MLIP: variants seen among roughly 807,000 people sequenced by gnomAD.
MLIP encodes muscular LMNA-interacting protein.
In MLIP, 79 loss-of-function variants were observed where a neutral mutation model predicts 84.8. The ratio of observed to expected loss-of-function variants is 0.93; its 90% CI spans 0.78 to 1.12. The LOEUF is 1.12. MLIP is among the 50% of genes most tolerant of loss of function. The pLI is 0.00. For synonymous variants in MLIP, 504 were observed against 463.0 expected, an observed-to-expected ratio of 1.09 and a Z score of -1.14; for missense variants, 1,257 against 1,160.6, an observed-to-expected ratio of 1.08 and a Z score of -1.21.
At chr6:54,027,373 ATACACAC>A (rs1763869700) in intron 1 of MLIP, among the ~76,000 whole-genome samples, 1 of 77,072 alleles carries the variant, frequency 1.3e-5, no homozygotes, top group Non-Finnish European at 2.7e-5. Flanking sequence ...AATAAAAAAA[ATACACAC>A]ACACACACAC....
rs199767219 is a variant in MLIP, at chr6:54,019,077, G to C, written c.49G>C (p.Glu17Gln). Residue 17 changes from glutamate (E) to glutamine (Q), a missense_variant, in exon 1 of 13, where the codon GAG (glutamate) becomes CAG (glutamine). Transcript: ENST00000274897. The stretch of plus-strand genomic sequence containing the variant: ...AAGAAGCTTATTAAACAAGAATTTA[G>C]AGGAGAAACTGACGGTAAGACATGA... The C allele has an allele frequency of 1.4e-3, 2,220 of 1,611,690 alleles. 47 individuals are homozygous for C. The South Asian group carries it at 0.023, about 17-fold the overall frequency.
intron 9 of MLIP, among the ~76,000 whole-genome samples, chr6:54,189,301 T>G (rs1274399065): frequency 6.6e-5 from 10 of 152,280 alleles, no homozygotes; most frequent in African/African-American, 2.4e-4. Context: ...TGAAAGAAAC[T>G]AAATCCAGAT....
chr6:54,247,247 A>C (rs1203908665), intron 12 of MLIP, among the ~76,000 whole-genome samples: 1 of 152,188 alleles, frequency 6.6e-6, no homozygotes, highest in Non-Finnish European at 1.5e-5. Context: ...GGGATGGCTG[A>C]AACTGACTGA....
intron 1 of MLIP, among the ~76,000 whole-genome samples, chr6:54,084,461 G>T (rs1767358329): frequency 6.6e-6 from 1 of 152,082 alleles, no homozygotes; most frequent in Non-Finnish European, 1.5e-5. Flanking sequence ...TGCAATCAGG[G>T]TCACATTACC....
chr6:54,083,804 A>C (rs1561916457), intron 1 of MLIP, among the ~76,000 whole-genome samples: 1 of 152,206 alleles, frequency 6.6e-6, no homozygotes, highest in Non-Finnish European at 1.5e-5. Context: ...ACTAATTAGC[A>C]TGCTCAACTT....
intron 9 of MLIP, among the ~76,000 whole-genome samples, chr6:54,188,905 C>T (rs1433865986): frequency 6.6e-6 from 1 of 152,196 alleles, no homozygotes; most frequent in Non-Finnish European, 1.5e-5. Flanking sequence ...CAAGTTACAA[C>T]ATTTATGCCA....
intron 1 of MLIP, among the ~76,000 whole-genome samples, chr6:54,022,052 C>T (rs1362777494): frequency 6.6e-6 from 1 of 152,148 alleles, no homozygotes; most frequent in Non-Finnish European, 1.5e-5. Flanking sequence ...TGGTTAGTTC[C>T]ACCATAATTG....
Position 54,070,537 on chromosome 6 carries a change from T to C in MLIP, c.64-50910T>C, listed in dbSNP as rs75340451. 4.5e-4 allele frequency among the ~76,000 whole-genome samples: 69 copies of C among 152,344 alleles called. 1 individual carries two copies. The East Asian group carries it at 6.2e-3, about 14-fold the overall frequency. ...GGCAAGGCATGTCAAATTTATTACA[T>C]GCAAAATTTGCCTTCCAACCTTGTG... On this transcript the variant is annotated intron_variant, in intron 1 of 12. Coordinates refer to the MLIP transcript ENST00000274897.
chr6:54,102,534 C>A (rs76431456), intron 1 of MLIP, among the ~76,000 whole-genome samples: 2 of 152,164 alleles, frequency 1.3e-5, no homozygotes, highest in East Asian at 3.9e-4. Flanking sequence ...CATTCAGATT[C>A]GGTTGTTATT....
intron 1 of MLIP, 54 bp downstream of exon 1, chr6:54,111,629 GTGCTGGTGGTATTTGC>G: frequency 6.6e-7 from 1 of 1,512,440 alleles, no homozygotes; most frequent in Non-Finnish European, 8.9e-7. Flanking sequence ...GCAGTGTACG[GTGCTGGTGGTATTTGC>G]TGCAAGGATG....
Position 54,209,592 on chromosome 6 carries a change from T to C in MLIP, c.2718+7359T>C, listed in dbSNP as rs962543797. Among the ~76,000 whole-genome samples the C allele has an allele frequency of 2.0e-5, 3 of 152,216 alleles. 1 individual carries two copies. The highest frequency in any genetic ancestry group is 2.0e-4 in the Admixed American group (3 of 15,280). Reference sequence around the variant, plus strand: ...GTTGGTGTTTCTTTAGGGATGGGATTACCGGTAGGTTTTAGAGTTTTTAAA... The same window carrying C: ...GTTGGTGTTTCTTTAGGGATGGGATCACCGGTAGGTTTTAGAGTTTTTAAA... On this transcript the variant is annotated intron_variant, in intron 11 of 13. Coordinates refer to ENST00000502396, the MANE Select transcript of MLIP (RefSeq NM_001281747.2).
chr6:54,190,997 A>T (rs952737204), intron 10 of MLIP, among the ~76,000 whole-genome samples: 12 of 151,722 alleles, frequency 7.9e-5, no homozygotes, highest in African/African-American at 2.9e-4. Flanking sequence ...GGGTTTCACC[A>T]TTTAAGCCAG....
intron 1 of MLIP, among the ~76,000 whole-genome samples, chr6:54,074,924 G>T (rs183411308): frequency 3.2e-4 from 48 of 152,156 alleles, no homozygotes; most frequent in African/African-American, 1.1e-3. Context: ...TTCTTCATTT[G>T]CAAAAGAACA....
At chr6:54,159,868 T>C (rs150431043) in intron 5 of MLIP, among the ~76,000 whole-genome samples, 2,963 of 152,084 alleles carry the variant, frequency 0.019, 45 homozygotes, top group Non-Finnish European at 0.032. Flanking sequence ...TGAAGCCAAA[T>C]TGACTGCATA....
chr6:54,244,022 A>G (rs1781911638), intron 12 of MLIP, among the ~76,000 whole-genome samples: 1 of 152,188 alleles, frequency 6.6e-6, no homozygotes, highest in Admixed American at 6.5e-5. Context: ...GTTAGTGGCT[A>G]ACAGAACCAC....
At chr6:54,180,181 C>T (rs1365965353) in intron 9 of MLIP, among the ~76,000 whole-genome samples, 1 of 152,126 alleles carries the variant, frequency 6.6e-6, no homozygotes, top group East Asian at 1.9e-4. Context: ...GAAAAGTCTG[C>T]TGCCAGACAT....
At chr6:54,260,503 T>C (rs956779430) in intron 13 of MLIP, among the ~76,000 whole-genome samples, 3 of 151,994 alleles carry the variant, frequency 2.0e-5, no homozygotes, top group Non-Finnish European at 4.4e-5. Context: ...TGCATCAAAG[T>C]TTGAGATCTT....
At chr6:54,062,037 C>A (rs137857809) in intron 1 of MLIP, among the ~76,000 whole-genome samples, 25 of 152,264 alleles carry the variant, frequency 1.6e-4, no homozygotes, top group African/African-American at 6.0e-4. Context: ...TTTCTGAAAT[C>A]ATTTCCTGCT....
intron 1 of MLIP, among the ~76,000 whole-genome samples, chr6:54,105,689 T>C (rs1768960082): frequency 6.6e-6 from 1 of 151,968 alleles, no homozygotes; most frequent in African/African-American, 2.4e-5. Flanking sequence ...AGGTGTGGGA[T>C]TGCAATTTTA....
Sources: gnomAD v4.1 joint callset for allele counts (sites outside exome capture counted in the v4.1 genomes callset) on GRCh38, gnomAD v4.1.1 for gene constraint, MANE v1.5 for transcripts, NCBI Gene and HGNC (gene_info 2026-07-23, HGNC 2026-07-21) for gene names.